The following DHX35 variants were observed in gnomAD, a reference collection of about 807,000 sequenced individuals.
DHX35 encodes probable ATP-dependent RNA helicase DHX35.
In DHX35, 84 loss-of-function variants were observed where a neutral mutation model predicts 99.6. That is an observed-to-expected ratio of 0.84 (90% CI 0.71 to 1.01). The LOEUF (loss-of-function observed/expected upper bound fraction) is 1.01. Among genes scored for constraint, DHX35 ranks in the 50% least tolerant of loss-of-function variants. DHX35 has a pLI of 0.00. For synonymous variants in DHX35, 331 were observed against 316.2 expected (o/e 1.05, Z -0.50); for missense variants, 852 against 888.5 (o/e 0.96, Z 0.52).
chr20:39,000,712 C>T (rs1421922436), intron 8 of DHX35, among the ~76,000 whole-genome samples: 1 of 152,030 alleles, frequency 6.6e-6, no homozygotes, highest in Non-Finnish European at 1.5e-5. Context: ...GCAGGATGGG[C>T]ATGTTTTGTA....
intron 19 of DHX35, 98 bp from the exon 20 acceptor site, chr20:39,030,606 G>C: frequency 8.7e-7 from 1 of 1,150,060 alleles, no homozygotes; most frequent in Non-Finnish European, 1.3e-6. Flanking sequence ...GACGAGTTCA[G>C]TCTGCATGCT....
chr20:38,969,083 A>G lies in DHX35; in HGVS notation c.43A>G (p.Thr15Ala). The change falls in exon 2 of 22, where the codon ACA becomes GCA. Residue 15 changes from threonine to alanine, a missense_variant and splice_region_variant. Thr to Ala is a moderately conservative substitution (Grantham distance 58). Transcript: ENST00000252011. The stretch of plus-strand genomic sequence containing the variant: ...AAAAAAAAACATTTCTGCTGCAGGT[A>G]CAGAGGGGCCAGGTGTAAGCATCTC... ...VGPVKFWRPG[T>A]EGPGVSISEE... 6.2e-7 allele frequency: 1 copy of G among 1,603,576 alleles called. No individual in the cohort carries two copies. The highest frequency in any genetic ancestry group is 8.5e-7 in the Non-Finnish European group (1 of 1,174,788).
At chr20:38,969,023 A>G (rs2085952582) in intron 1 of DHX35, 58 bp from the exon 2 acceptor site, 1 of 1,515,022 alleles carries the variant, frequency 6.6e-7, no homozygotes, top group South Asian at 1.3e-5. Flanking sequence ...TTATAAACTT[A>G]ACACCTTTTT....
intron 1 of DHX35, among the ~76,000 whole-genome samples, chr20:38,963,597 G>A (rs1458657277): frequency 1.3e-5 from 2 of 152,168 alleles, no homozygotes; most frequent in African/African-American, 4.8e-5. Flanking sequence ...CACGCTTTTA[G>A]TAACAGGTGA....
chr20:39,032,390 TCA>T (rs2087070548), intron 20 of DHX35, among the ~76,000 whole-genome samples: 2 of 152,324 alleles, frequency 1.3e-5, no homozygotes, highest in South Asian at 4.1e-4. Flanking sequence ...CAGGCTGGTC[TCA>T]AACTCCTGAC....
intron 11 of DHX35, 50 bp downstream of exon 11, chr20:39,003,957 A>G (rs1230599854): frequency 1.3e-6 from 2 of 1,597,904 alleles, no homozygotes; most frequent in Admixed American, 1.7e-5. Flanking sequence ...TATAATCATA[A>G]TGATGCTCCT....
At chr20:39,010,157 G>A in intron 12 of DHX35, 123 bp from the exon 13 acceptor site, 3 of 1,262,782 alleles carry the variant, frequency 2.4e-6, no homozygotes, top group African/African-American at 1.5e-5. Context: ...GGTATCATGT[G>A]CATCTGCTTC....
At chr20:38,969,033 T>C in intron 1 of DHX35, 48 bp from the exon 2 acceptor site, 1 of 1,539,950 alleles carries the variant, frequency 6.5e-7, no homozygotes, top group Non-Finnish European at 8.8e-7. Flanking sequence ...AACACCTTTT[T>C]CTGTTCATTG....
intron 11 of DHX35, among the ~76,000 whole-genome samples, chr20:39,005,686 T>A (rs1026758947): frequency 5.9e-5 from 9 of 152,152 alleles, no homozygotes; most frequent in African/African-American, 1.9e-4. Flanking sequence ...GTCTGTCTTG[T>A]TTATCCTACA....
In DHX35 at chr20:39,038,572, C is replaced by A. The variant is rs1381505961; in HGVS notation, c.*29C>A. 2 of 1,605,402 alleles carry A rather than the reference C, an allele frequency of 1.2e-6. No homozygotes were observed. Among genetic ancestry groups the A allele is most frequent in the South Asian group, 2.2e-5 (2 of 90,496 alleles). ...GAGCCCACAGCTACAGCTGCAGGGA[C>A]TGCTGGCGTCCTCTCCTCCATGCTG... On this transcript the variant is annotated 3_prime_UTR_variant, in exon 22 of 22. Transcript: ENST00000252011.
intron 20 of DHX35, 106 bp downstream of exon 20, chr20:39,030,881 G>A (rs2087038936): frequency 7.7e-7 from 1 of 1,290,458 alleles, no homozygotes. Context: ...TGCTGCTCTG[G>A]GCCGGGCGTG....
At chr20:39,000,928 T>C (rs2086509661) in intron 8 of DHX35, among the ~76,000 whole-genome samples, 1 of 152,154 alleles carries the variant, frequency 6.6e-6, no homozygotes, top group Non-Finnish European at 1.5e-5. Context: ...TTAGCTCTTC[T>C]CAGTCTCAGC....
chr20:39,015,409 C>T (rs6129149), intron 14 of DHX35, among the ~76,000 whole-genome samples: 10 of 152,048 alleles, frequency 6.6e-5, no homozygotes, highest in Admixed American at 2.0e-4. Flanking sequence ...ATTCAGTTGT[C>T]GATTGAAGAT....
intron 3 of DHX35, among the ~76,000 whole-genome samples, chr20:38,974,212 T>G (rs1357382197): frequency 6.6e-6 from 1 of 152,198 alleles, no homozygotes; most frequent in Non-Finnish European, 1.5e-5. Context: ...ATAAGGTGAC[T>G]TAGAAACTGG....
At chr20:39,035,313 C>A (rs1568766749) in intron 21 of DHX35, among the ~76,000 whole-genome samples, 1 of 150,664 alleles carries the variant, frequency 6.6e-6, no homozygotes, top group Non-Finnish European at 1.5e-5. Context: ...CTCTGGTGAT[C>A]CGCCCGCCTT....
rs534472983 is a variant in DHX35 at position 38,988,861 on chromosome 20, G to A, written c.394G>A (p.Val132Met). ...EERGAVLGHE[V>M]GYCIRFDDCT... is the part of the protein sequence containing the mutation. The stretch of plus-strand genomic sequence containing the variant: ...AAGGGGTGCAGTGCTGGGCCACGAG[G>A]TGGGCTACTGCATCCGCTTTGATGA... Residue 132 changes from valine (V) to methionine (M), a missense_variant, in exon 5 of 22, where the codon GTG (valine) becomes ATG (methionine). Physicochemically the swap from Val to Met is conservative, Grantham distance 21 (BLOSUM62 1). Coordinates refer to ENST00000252011, the MANE Select transcript of DHX35 (RefSeq NM_021931.4). 6.2e-7 allele frequency: 1 copy of A among 1,613,898 alleles called. No homozygotes were observed. Among genetic ancestry groups the A allele is most frequent in the African/African-American group, 1.3e-5 (1 of 75,030 alleles).
intron 10 of DHX35, 85 bp downstream of exon 10, chr20:39,002,953 T>G (rs1020685621): frequency 8.7e-7 from 1 of 1,144,026 alleles, no homozygotes. Context: ...TACTCAGTCA[T>G]GTATTTCATG....
Position 39,030,907 on chromosome 20 carries a change from A to T in DHX35, c.1955+132A>T, listed in dbSNP as rs577906284. On this transcript the variant is annotated intron_variant, in intron 20 of 21. Coordinates refer to ENST00000252011, the MANE Select transcript of DHX35 (RefSeq NM_021931.4). ...GCCGGGCGTGGTGGCTCACGCCTGT[A>T]ATCCCAGCACTTTGGGAGGCCAATG... is the stretch of plus-strand genomic sequence containing the variant. The T allele has an allele frequency of 9.2e-5, 88 of 961,290 alleles. 2 individuals are homozygous for T. The South Asian group carries it at 1.3e-3, about 14-fold the overall frequency. The allele number at this position is 961,290 out of a possible 1,614,324, so 59.5% of individuals were successfully genotyped here.
chr20:38,974,650 G>A (rs889659403), intron 3 of DHX35, among the ~76,000 whole-genome samples: 1 of 152,222 alleles, frequency 6.6e-6, no homozygotes, highest in Non-Finnish European at 1.5e-5. Context: ...GACGTAGAAG[G>A]TGTGGACATA....
Sources: allele counts gnomAD v4.1 joint callset (sites outside exome capture counted in the v4.1 genomes callset), GRCh38; gene constraint gnomAD v4.1.1; transcripts MANE v1.5; gene names NCBI Gene and HGNC (gene_info 2026-07-23, HGNC 2026-07-21).